ATP2A2: variants seen among roughly 807,000 people sequenced by gnomAD.
ATP2A2 encodes the protein sarcoplasmic/endoplasmic reticulum calcium ATPase 2.
A neutral mutation model predicts 109.3 loss-of-function variants in ATP2A2; 14 were observed. That is an observed-to-expected ratio of 0.13 (90% confidence interval 0.08 to 0.20). ATP2A2 has a LOEUF of 0.20. Ranked by LOEUF, ATP2A2 falls within the 10% of genes least tolerant of loss-of-function variation. The pLI is 1.00. For missense variants in ATP2A2, 657 were observed against 1,321.6 expected, an observed-to-expected ratio of 0.50 and a Z score of 7.80; for synonymous variants, 506 against 490.9, an observed-to-expected ratio of 1.03 and a Z score of -0.41.
rs1566244189 is a variant in ATP2A2, at chr12:110,346,794, T to G, written c.*324T>G. On this transcript the variant is annotated 3_prime_UTR_variant, in exon 20 of 20. Coordinates refer to ENST00000539276, the MANE Select transcript of ATP2A2 (RefSeq NM_170665.4). Reference sequence around the variant, plus strand: ...AAAATAGTTGAGCCAGCAGACATTGTCAGCAAATTAATTGGCAGCAGATTT... The same window carrying G: ...AAAATAGTTGAGCCAGCAGACATTGGCAGCAAATTAATTGGCAGCAGATTT... 1.8e-6 allele frequency: 2 copies of G among 1,142,182 alleles called. No homozygotes were observed. The highest frequency in any genetic ancestry group is 2.2e-6 in the Non-Finnish European group (2 of 926,380). The allele number at this position is 1,142,182 out of a possible 1,614,324, so 70.8% of individuals were successfully genotyped here.
chr12:110,343,325 T>C lies in ATP2A2; in HGVS notation c.2412T>C (p.Thr804=), dbSNP rs754783121. 31 of 1,614,074 alleles carry C rather than the reference T, an allele frequency of 1.9e-5. No homozygotes were observed. The highest frequency in any genetic ancestry group is 2.5e-5 in the Non-Finnish European group (29 of 1,180,040). The change falls in exon 16 of 20, where the codon ACT becomes ACC. Residue 804 remains threonine, a synonymous_variant. Transcript: ENST00000539276. The part of the protein sequence containing the change: ...VNLVTDGLPA[T]ALGFNPPDLD... The stretch of plus-strand genomic sequence containing the variant: ...TGGTGACAGATGGCCTGCCTGCCAC[T>C]GCACTGGGGTTCAACCCTCCTGATC...
chr12:110,316,451 A>AT (rs1566220923), intron 5 of ATP2A2, among the ~76,000 whole-genome samples: 1 of 152,150 alleles, frequency 6.6e-6, no homozygotes, highest in Non-Finnish European at 1.5e-5. Flanking sequence ...TTGGACCCTG[A>AT]TTTTTTATTG....
chr12:110,349,674 G>A lies in ATP2A2; in HGVS notation c.*3204G>A, dbSNP rs1880219852. On this transcript the variant is annotated 3_prime_UTR_variant, in exon 20 of 20. Transcript: ENST00000539276. The stretch of plus-strand genomic sequence containing the variant: ...ACAAGATTAGCTCAGTGTCTACCAA[G>A]CATCTAGCCACTGTCCAGGGCCAGA... 2 of 990,304 alleles carry A rather than the reference G, an allele frequency of 2.0e-6. No homozygotes were observed. Among genetic ancestry groups the A allele is most frequent in the Non-Finnish European group, 2.4e-6 (2 of 832,490 alleles). 61.3% of individuals were successfully genotyped at this position (990,304 alleles called of 1,614,324 possible). A position where few individuals can be genotyped will look rare whatever the true frequency, so the allele number is the denominator to read the frequency against.
chr12:110,323,155 C>G, intron 6 of ATP2A2, 83 bp downstream of exon 6: 1 of 1,006,542 alleles, frequency 9.9e-7, no homozygotes, highest in East Asian at 2.4e-5. Flanking sequence ...GCCTCACTGT[C>G]CCTTTATGGT....
At chr12:110,294,145 G>A (rs1873703210) in intron 4 of ATP2A2, among the ~76,000 whole-genome samples, 2 of 151,786 alleles carry the variant, frequency 1.3e-5, no homozygotes. Context: ...CCGGGCTCAC[G>A]CCATTCTCCT....
At chr12:110,296,216 G>A (rs975404076) in intron 4 of ATP2A2, 8 of 213,586 alleles carry the variant, frequency 3.7e-5, no homozygotes, top group Non-Finnish European at 7.6e-5. Context: ...TCGGGTTCAA[G>A]CGATTCTTCT....
chr12:110,349,957 G>A lies in ATP2A2; in HGVS notation c.*3487G>A, dbSNP rs1055824813. On this transcript the variant is annotated 3_prime_UTR_variant, in exon 20 of 20. Coordinates refer to ENST00000539276, the MANE Select transcript of ATP2A2 (RefSeq NM_170665.4). ...CACTTCTCCATCAACCTCACCCTCT[G>A]CACCACTAACCAAGACCTTGTCCTC... 2.4e-6 allele frequency: 3 copies of A among 1,235,438 alleles called. No individual in the cohort carries two copies. The highest frequency in any genetic ancestry group is 3.1e-6 in the Non-Finnish European group (3 of 977,972). The allele number at this position is 1,235,438 out of a possible 1,614,324, so 76.5% of individuals were successfully genotyped here.
chr12:110,295,737 C>T (rs187938247), intron 4 of ATP2A2, among the ~76,000 whole-genome samples: 12 of 152,206 alleles, frequency 7.9e-5, no homozygotes, highest in South Asian at 4.2e-4. Flanking sequence ...ATTCTGAAAT[C>T]GGGAAGAAAA....
In ATP2A2 at chr12:110,350,407, G is replaced by A. The variant is rs915982077; in HGVS notation, c.*3937G>A. ...AACCCTGTGCATGACTGATGTTGGG[G>A]AAAAAGAAAAGTAAAAAACTTCCCA... is the stretch of plus-strand genomic sequence containing the variant. On this transcript the variant is annotated 3_prime_UTR_variant, in exon 20 of 20. Transcript: ENST00000539276. The A allele has an allele frequency of 6.3e-7, 1 of 1,590,200 alleles. No individual in the cohort carries two copies. Among genetic ancestry groups the A allele is most frequent in the African/African-American group, 1.3e-5 (1 of 74,216 alleles).
intron 4 of ATP2A2, among the ~76,000 whole-genome samples, chr12:110,295,256 A>T (rs779826476): frequency 1.3e-5 from 2 of 152,020 alleles, no homozygotes; most frequent in African/African-American, 4.8e-5. Flanking sequence ...TCTGCCTCGC[A>T]GGCTTAGTGA....
chr12:110,316,561 A>G (rs144239970), intron 5 of ATP2A2, among the ~76,000 whole-genome samples: 221 of 152,278 alleles, frequency 1.5e-3, no homozygotes, highest in African/African-American at 4.7e-3. Context: ...TCATTGACAG[A>G]TATTTTATTT....
intron 5 of ATP2A2, among the ~76,000 whole-genome samples, chr12:110,298,890 A>G (rs932804613): frequency 7.2e-5 from 11 of 152,196 alleles, no homozygotes; most frequent in Admixed American, 4.6e-4. Flanking sequence ...ATGTTCTCTT[A>G]TATAACCTCA....
intron 6 of ATP2A2, chr12:110,325,986 CG>C (rs1877757554): frequency 9.9e-6 from 2 of 202,710 alleles, no homozygotes. Context: ...ACCTCTGTCT[CG>C]AAAAAAAAAA....
intron 5 of ATP2A2, among the ~76,000 whole-genome samples, chr12:110,306,751 A>G (rs1225635745): frequency 1.3e-5 from 2 of 151,946 alleles, no homozygotes; most frequent in Admixed American, 6.6e-5. Flanking sequence ...TTTTTGAGAT[A>G]GGGTCTCACT....
In ATP2A2 at chr12:110,342,368, T is replaced by G; in HGVS notation, c.2238T>G (p.Val746=). ...DDNFSTIVAA[V]EEGRAIYNNM... is the part of the protein sequence containing the mutation. Reference sequence around the variant, plus strand: ...ACTTCTCCACCATTGTGGCTGCCGTTGAGGAGGGGCGGGCAATCTACAACA... The same window carrying G: ...ACTTCTCCACCATTGTGGCTGCCGTGGAGGAGGGGCGGGCAATCTACAACA... The change falls in exon 15 of 20, where the codon GTT becomes GTG. Residue 746 remains valine (V), a synonymous_variant. Transcript: ENST00000539276. The surrounding 1 kb of genome is among the most constrained non-coding windows in gnomAD (Gnocchi z 4.6). 1.9e-6 allele frequency: 3 copies of G among 1,614,190 alleles called. No individual in the cohort carries two copies. Among genetic ancestry groups the G allele is most frequent in the Non-Finnish European group, 1.7e-6 (2 of 1,180,026 alleles).
At chr12:110,328,745 T>A (rs1200167276) in intron 8 of ATP2A2, among the ~76,000 whole-genome samples, 1 of 152,134 alleles carries the variant, frequency 6.6e-6, no homozygotes, top group Non-Finnish European at 1.5e-5. Flanking sequence ...TTTTTATTTT[T>A]TTTTGTAGAG....
chr12:110,322,523 A>G (rs930665736), intron 5 of ATP2A2, among the ~76,000 whole-genome samples: 1 of 151,824 alleles, frequency 6.6e-6, no homozygotes, highest in African/African-American at 2.4e-5. Context: ...TGCATTTGCC[A>G]TGTGTTTCGT....
intron 5 of ATP2A2, among the ~76,000 whole-genome samples, chr12:110,319,422 G>A (rs1317312077): frequency 1.3e-5 from 2 of 151,482 alleles, no homozygotes; most frequent in Admixed American, 6.6e-5. Context: ...GGGTTTCCCA[G>A]GCATTTGACA....
rs1027488115 is a variant in ATP2A2, at chr12:110,327,339, C to T, written c.631-214C>T. On this transcript the variant is annotated intron_variant, in intron 7 of 19. Coordinates refer to ENST00000539276, the MANE Select transcript of ATP2A2 (RefSeq NM_170665.4). The surrounding 1 kb of genome is among the most constrained non-coding windows in gnomAD (Gnocchi z 4.4). Reference sequence around the variant, plus strand: ...CTGCAAGCCGGGCTCAAATAGAAATCTAGGTGGGTCAGTACAGAGCTGCCT... The same window carrying T: ...CTGCAAGCCGGGCTCAAATAGAAATTTAGGTGGGTCAGTACAGAGCTGCCT... Among the ~76,000 whole-genome samples the T allele has an allele frequency of 3.9e-5, 6 of 152,252 alleles. No homozygotes were observed. The highest frequency in any genetic ancestry group is 1.4e-4 in the African/African-American group (6 of 41,538).
Sources: allele counts gnomAD v4.1 joint callset (sites outside exome capture counted in the v4.1 genomes callset), GRCh38; gene constraint gnomAD v4.1.1; non-coding constraint Gnocchi (gnomAD v3.1); transcripts MANE v1.5; gene names NCBI Gene and HGNC (gene_info 2026-07-23, HGNC 2026-07-21).